The following PHACTR4 variants were observed in gnomAD, a reference collection of about 807,000 sequenced individuals.
The protein encoded by PHACTR4 is protein phosphatase 1, regulatory subunit 124.
A neutral mutation model predicts 72.7 loss-of-function variants in PHACTR4; 51 were observed. The observed-to-expected ratio is 0.70, with a 90% CI of 0.56 to 0.89. The LOEUF is 0.89. PHACTR4 is among the 40% of genes least tolerant of loss of function. The pLI, the probability that PHACTR4 is intolerant of heterozygous loss-of-function variation, is 0.00. For synonymous variants in PHACTR4, 255 were observed against 302.5 expected (o/e 0.84, Z 1.63); for missense variants, 731 against 861.8 (o/e 0.85, Z 1.90).
intron 1 of PHACTR4, among the ~76,000 whole-genome samples, chr1:28,386,513 G>T (rs1417120142): frequency 6.6e-6 from 1 of 152,156 alleles, no homozygotes; most frequent in Non-Finnish European, 1.5e-5. Flanking sequence ...AATAATGTCA[G>T]TGGGGTGTTA....
chr1:28,465,684 G>T lies in PHACTR4; in HGVS notation c.272-1G>T, dbSNP rs930622305. 3.7e-6 allele frequency: 6 copies of T among 1,611,868 alleles called. No individual in the cohort carries two copies. The highest frequency in any genetic ancestry group is 3.4e-5 in the Admixed American group (2 of 59,398). ...CTTTGTACTCTTCTTTCACCTTGCA[G>T]GTGGTGAGGATCCAGGAAAGCCAAG... On this transcript the variant is annotated splice_acceptor_variant, in intron 4 of 13. Coordinates refer to ENST00000373839, the MANE Select transcript of PHACTR4 (RefSeq NM_001048183.3). LOFTEE classifies it high-confidence loss of function.
At chr1:28,424,275 T>C (rs1655694302) in intron 2 of PHACTR4, among the ~76,000 whole-genome samples, 1 of 152,110 alleles carries the variant, frequency 6.6e-6, no homozygotes, top group South Asian at 2.1e-4. Context: ...CACTGCAGCC[T>C]TCACCTCCTG....
At chr1:28,457,798 T>A in intron 2 of PHACTR4, 1 of 985,056 alleles carries the variant, frequency 1.0e-6, no homozygotes. Context: ...TCAGGATGGT[T>A]TTTCCACATG....
chr1:28,499,492 T>TTTTGA lies in PHACTR4; in HGVS notation c.*2946_*2947insGATTT, dbSNP rs747169161. The TTTTGA allele has an allele frequency of 1.3e-5, 2 of 152,426 alleles. No individual in the cohort carries two copies. Among genetic ancestry groups the TTTTGA allele is most frequent in the African/African-American group, 4.8e-5 (2 of 41,362 alleles). The allele number at this position is 152,426 out of a possible 1,614,324, so 9.4% of individuals were successfully genotyped here. On this transcript the variant is annotated 3_prime_UTR_variant, in exon 14 of 14. Transcript: ENST00000373839. ...TTTTGTTTTGTTTTGTTTTGTTTTG[T>TTTTGA]TTTTGGAGATAGGGTCTCACTCTGT...
At chr1:28,426,384 C>T (rs1310047579) in intron 2 of PHACTR4, among the ~76,000 whole-genome samples, 1 of 151,906 alleles carries the variant, frequency 6.6e-6, no homozygotes, top group African/African-American at 2.4e-5. Context: ...GGAGGCCAGG[C>T]ATGGTGGCTC....
intron 6 of PHACTR4, among the ~76,000 whole-genome samples, chr1:28,472,191 C>T (rs1036028254): frequency 1.4e-5 from 2 of 144,616 alleles, no homozygotes; most frequent in African/African-American, 2.7e-5. Flanking sequence ...CCAGCCTGGG[C>T]GACAAGACTC....
At chr1:28,425,483 C>T (rs1655781736) in intron 2 of PHACTR4, among the ~76,000 whole-genome samples, 1 of 152,180 alleles carries the variant, frequency 6.6e-6, no homozygotes, top group African/African-American at 2.4e-5. Flanking sequence ...TATAGTCATC[C>T]TAGTTCTTCT....
chr1:28,387,299 T>C (rs1652634908), intron 1 of PHACTR4, among the ~76,000 whole-genome samples: 2 of 151,482 alleles, frequency 1.3e-5, no homozygotes, highest in Non-Finnish European at 2.9e-5. Flanking sequence ...CTCAAACAGT[T>C]TTCCCCCTCC....
chr1:28,414,988 C>T (rs1009590131), intron 2 of PHACTR4, among the ~76,000 whole-genome samples: 2 of 151,996 alleles, frequency 1.3e-5, no homozygotes, highest in Admixed American at 6.6e-5. Flanking sequence ...AGGCTGGGCG[C>T]GGTGGCTCAC....
At chr1:28,496,231 T>A (rs1407629149) in intron 13 of PHACTR4, among the ~76,000 whole-genome samples, 2 of 151,808 alleles carry the variant, frequency 1.3e-5, no homozygotes, top group African/African-American at 4.8e-5. Context: ...TAATTTTTTG[T>A]ATTTTTAGTA....
At chr1:28,491,379 G>A (rs1287886357) in intron 11 of PHACTR4, among the ~76,000 whole-genome samples, 1 of 151,714 alleles carries the variant, frequency 6.6e-6, no homozygotes, top group African/African-American at 2.4e-5. Flanking sequence ...GATCATTTGA[G>A]CTTGGGAGGT....
intron 6 of PHACTR4, among the ~76,000 whole-genome samples, chr1:28,469,607 A>G (rs1020846122): frequency 3.9e-5 from 6 of 152,210 alleles, no homozygotes; most frequent in Non-Finnish European, 7.3e-5. Context: ...ATCAGGAATG[A>G]GTTTTGTTGT....
chr1:28,430,148 G>A (rs939652317), intron 2 of PHACTR4, among the ~76,000 whole-genome samples: 3 of 151,710 alleles, frequency 2.0e-5, no homozygotes, highest in African/African-American at 7.3e-5. Context: ...TCAGCCTCCC[G>A]AGTAGCTGGG....
At chr1:28,389,130 A>G (rs1652802441) in intron 1 of PHACTR4, among the ~76,000 whole-genome samples, 1 of 142,922 alleles carries the variant, frequency 7.0e-6, no homozygotes, top group South Asian at 2.1e-4. Context: ...AGAGGTTAAT[A>G]GGAAAAGTTA....
At chr1:28,491,220 A>AG (rs1553206821) in intron 11 of PHACTR4, among the ~76,000 whole-genome samples, 13 of 150,860 alleles carry the variant, frequency 8.6e-5, no homozygotes, top group African/African-American at 1.5e-4. Context: ...AAAAAAAAAA[A>AG]AAGAAGAAGA....
intron 8 of PHACTR4, among the ~76,000 whole-genome samples, chr1:28,476,951 G>A (rs1659967253): frequency 6.7e-6 from 1 of 148,352 alleles, no homozygotes; most frequent in Non-Finnish European, 1.5e-5. Context: ...TGTATTTTTA[G>A]TAGAGATGGG....
chr1:28,489,303 G>T (rs894090886), intron 10 of PHACTR4, 78 bp downstream of exon 10: 17 of 1,272,342 alleles, frequency 1.3e-5, no homozygotes, highest in Non-Finnish European at 1.7e-5. Flanking sequence ...AAAGAAAAAA[G>T]AAGCGTTTGC....
At chr1:28,415,125 A>T (rs1655024688) in intron 2 of PHACTR4, among the ~76,000 whole-genome samples, 1 of 151,898 alleles carries the variant, frequency 6.6e-6, no homozygotes, top group Non-Finnish European at 1.5e-5. Flanking sequence ...CCCAGGCATG[A>T]TGGCGTGCTA....
chr1:28,373,018 T>C (rs946200845), intron 1 of PHACTR4, among the ~76,000 whole-genome samples: 10 of 152,138 alleles, frequency 6.6e-5, no homozygotes, highest in African/African-American at 2.4e-4. Flanking sequence ...AGTAAAATGC[T>C]ATGATCATGG....
Sources: allele counts gnomAD v4.1 joint callset (sites outside exome capture counted in the v4.1 genomes callset), GRCh38; gene constraint gnomAD v4.1.1; transcripts MANE v1.5; gene names NCBI Gene and HGNC (gene_info 2026-07-23, HGNC 2026-07-21).